ACHE: variants seen among roughly 807,000 people sequenced by gnomAD.
ACHE encodes the protein acetylcholinesterase (Yt blood group), also known as acetylcholinesterase.
ACHE carries 19 observed loss-of-function variants against 53.9 expected under a neutral mutation model. That is an observed-to-expected ratio of 0.35 (90% CI 0.25 to 0.52). The LOEUF (loss-of-function observed/expected upper bound fraction) is 0.52. ACHE is among the 20% of genes least tolerant of loss of function. The pLI is 0.95. For synonymous variants in ACHE, 392 were observed against 378.1 expected, an observed-to-expected ratio of 1.04 and a Z score of -0.43; for missense variants, 605 against 849.4, an observed-to-expected ratio of 0.71 and a Z score of 3.58.
At chr7:100,893,119 T>C (rs769212003) in intron 2 of ACHE, 46 bp downstream of exon 2, 1 of 1,581,784 alleles carries the variant, frequency 6.3e-7, no homozygotes, top group South Asian at 1.1e-5. Context: ...GGAGGGACCG[T>C]TGGGACCCAG....
At chr7:100,894,640 G>A (rs1563039856) in intron 1 of ACHE, among the ~76,000 whole-genome samples, 2 of 128,604 alleles carry the variant, frequency 1.6e-5, no homozygotes, top group African/African-American at 3.0e-5. Context: ...GACGGGCAGC[G>A]CCGCTGGGGG....
Position 100,894,003 on chromosome 7 carries a change from C to T in ACHE, c.230G>A (p.Arg77His). 1.2e-6 allele frequency: 2 copies of T among 1,611,630 alleles called. No homozygotes were observed. Among genetic ancestry groups the T allele is most frequent in the South Asian group, 1.1e-5 (1 of 90,816 alleles). ...PFAEPPMGPR[R>H]FLPPEPKQPW... Reference sequence around the variant, plus strand: ...CTGCTTGGGCTCCGGTGGCAGAAAGCGACGGGGTCCCATGGGTGGCTCCGC... The same window carrying T: ...CTGCTTGGGCTCCGGTGGCAGAAAGTGACGGGGTCCCATGGGTGGCTCCGC... The change falls in exon 2 of 5, where the codon CGC becomes CAC. Residue 77 changes from arginine (R) to histidine (H), a missense_variant. Around this residue, in one of 4 missense-constraint regions of ACHE, gnomAD observed 397 missense variants for 632.5 expected, o/e 0.63. Transcript: ENST00000241069.
intron 1 of ACHE, among the ~76,000 whole-genome samples, chr7:100,894,791 C>T (rs17880573): frequency 0.1 from 15,812 of 152,096 alleles, 1,108 homozygotes; most frequent in Non-Finnish European, 0.16. Flanking sequence ...CACTCCCCAC[C>T]CAACCCTGCC....
At chr7:100,894,886 C>G (rs1584778034) in intron 1 of ACHE, among the ~76,000 whole-genome samples, 1 of 151,882 alleles carries the variant, frequency 6.6e-6, no homozygotes, top group Non-Finnish European at 1.5e-5. Context: ...CCCCAGCAAA[C>G]AGGCTCGCCA....
At position 100,892,664 on chromosome 7, in the gene ACHE, G is replaced by C. The variant is rs1322009655; in HGVS notation, c.1223C>G (p.Ala408Gly). The part of the protein sequence containing the change: ...VPQVSDLAAE[A>G]VVLHYTDWLH... The stretch of plus-strand genomic sequence containing the variant: ...CCAGTCTGTGTAATGCAGGACCACA[G>C]CCTCGGCTGCCAGGTCACTTACCTG... Residue 408 changes from alanine (A) to glycine (G), a missense_variant, in exon 3 of 5, where the codon GCT (alanine) becomes GGT (glycine). Coordinates refer to ENST00000241069, the MANE Select transcript of ACHE (RefSeq NM_000665.5). The surrounding 1 kb of genome is among the most constrained non-coding windows in gnomAD (Gnocchi z 5.2). 6 of 1,613,436 alleles carry C rather than the reference G, an allele frequency of 3.7e-6. No individual in the cohort carries two copies. In the Admixed American group the frequency reaches 1.0e-4, roughly 27 times the overall value.
At chr7:100,895,555 G>C (rs1006294259) in intron 1 of ACHE, among the ~76,000 whole-genome samples, 1 of 152,178 alleles carries the variant, frequency 6.6e-6, no homozygotes, top group Non-Finnish European at 1.5e-5. Flanking sequence ...GGTGCTCGGG[G>C]GTCCCCGCGG....
At chr7:100,891,124 T>C in intron 4 of ACHE, 45 bp downstream of exon 4, 1 of 1,565,164 alleles carries the variant, frequency 6.4e-7, no homozygotes, top group Non-Finnish European at 8.6e-7. Context: ...CCTGGCGGGC[T>C]CCCACTCCCC....
intron 1 of ACHE, among the ~76,000 whole-genome samples, chr7:100,895,482 G>A (rs1790989977): frequency 1.3e-5 from 2 of 152,134 alleles, no homozygotes; most frequent in Non-Finnish European, 2.9e-5. Flanking sequence ...TGCGCAGCTC[G>A]GGTACCGCCC....
intron 1 of ACHE, 77 bp from the exon 2 acceptor site, chr7:100,894,329 C>G (rs879587897): frequency 1.2e-4 from 130 of 1,075,652 alleles, no homozygotes; most frequent in Non-Finnish European, 1.6e-4. Flanking sequence ...CACTGTCGGC[C>G]CAAGGGTTAT....
At position 100,892,695 on chromosome 7, in the gene ACHE, C is replaced by T. The variant is rs1205541868; in HGVS notation, c.1192G>A (p.Val398Ile). ...GCTGCCAGGTCACTTACCTGGGGAA[C>T]CCCGACCCGCACCCCGGCCAGGAAC... ...AEFLAGVRVG[V>I]PQVSDLAAEA... Residue 398 changes from valine to isoleucine, a missense_variant, in exon 3 of 5, where the codon GTT (valine) becomes ATT (isoleucine). Physicochemically the swap from Val to Ile is conservative, Grantham distance 29. This residue lies in a region of ACHE where 397 missense variants were observed against 632.5 expected (regional missense o/e 0.63). Coordinates refer to ENST00000241069, the MANE Select transcript of ACHE (RefSeq NM_000665.5). The surrounding 1 kb of genome is among the most constrained non-coding windows in gnomAD (Gnocchi z 5.2). 2 of 1,613,600 alleles carry T rather than the reference C, an allele frequency of 1.2e-6. No homozygotes were observed. The highest frequency in any genetic ancestry group is 8.5e-7 in the Non-Finnish European group (1 of 1,179,984).
chr7:100,890,389 G>C (rs954397869), intron 4 of ACHE, 54 bp from the exon 5 acceptor site: 39 of 1,576,176 alleles, frequency 2.5e-5, no homozygotes, highest in Non-Finnish European at 3.4e-5. Flanking sequence ...GAGGAAGGTC[G>C]GGGATCGGAC....
chr7:100,895,035 G>T (rs111372779), intron 1 of ACHE, among the ~76,000 whole-genome samples: 3 of 152,168 alleles, frequency 2.0e-5, no homozygotes, highest in Admixed American at 6.5e-5. Context: ...TGGGGAGGGG[G>T]CCTGGGGGCT....
At chr7:100,894,961 G>A (rs1019354599) in intron 1 of ACHE, among the ~76,000 whole-genome samples, 6 of 152,114 alleles carry the variant, frequency 3.9e-5, no homozygotes, top group Non-Finnish European at 7.4e-5. Flanking sequence ...GCCGCCGCCG[G>A]CGGAGGGCAG....
In ACHE at chr7:100,894,031, AG is replaced by A; in HGVS notation, c.201del (p.Phe68LeufsTer24). 6.2e-7 allele frequency: 1 copy of A among 1,605,328 alleles called. No homozygotes were observed. Among genetic ancestry groups the A allele is most frequent in the Non-Finnish European group, 8.5e-7 (1 of 1,175,934 alleles). ...CGGGGTCCCATGGGTGGCTCCGCAA[AG>A]GGGATGCCCAGGAAAGCAGAGACAG... ...GGPVSAFLGI[P>X]FAEPPMGPRR... is the part of the protein sequence containing the mutation. On this transcript the variant is annotated frameshift_variant, in exon 2 of 5. Transcript: ENST00000241069. LOFTEE classifies it high-confidence loss of function.
intron 4 of ACHE, 35 bp downstream of exon 4, chr7:100,891,134 C>A: frequency 6.4e-7 from 1 of 1,572,762 alleles, no homozygotes; most frequent in Non-Finnish European, 8.6e-7. Context: ...TCCCACTCCC[C>A]TCCTCCCAGC....
intron 1 of ACHE, among the ~76,000 whole-genome samples, chr7:100,894,541 C>A (rs1365303932): frequency 2.6e-5 from 4 of 152,174 alleles, no homozygotes; most frequent in African/African-American, 9.6e-5. Flanking sequence ...CTCACCTCTT[C>A]CCGGAACTGG....
intron 4 of ACHE, chr7:100,890,673 C>G (rs1790622671): frequency 7.5e-7 from 1 of 1,333,542 alleles, no homozygotes; most frequent in South Asian, 2.1e-5. Flanking sequence ...GGGGGTGCTA[C>G]CCCGTCCGGG....
Position 100,891,314 on chromosome 7 carries a change from G to A in ACHE, c.1578C>T (p.Pro526=), listed in dbSNP as rs1194514489. 1 of 1,575,146 alleles carries A rather than the reference G, an allele frequency of 6.3e-7. No homozygotes were observed. The highest frequency in any genetic ancestry group is 8.6e-7 in the Non-Finnish European group (1 of 1,162,584). The change falls in exon 4 of 5, where the codon CCC becomes CCT. Residue 526 remains proline, a synonymous_variant. Transcript: ENST00000241069. ...RTGDPNEPRD[P]KAPQWPPYTA... ...TGTACGGGGGCCATTGTGGGGCCTT[G>A]GGGTCTCGGGGCTCATTGGGATCCC...
At chr7:100,891,393 C>A in intron 3 of ACHE, 55 bp from the exon 4 acceptor site, 1 of 1,475,800 alleles carries the variant, frequency 6.8e-7, no homozygotes. Flanking sequence ...AGGTGGCCCC[C>A]AACTCCACGG....
Sources: gnomAD v4.1 joint callset for allele counts (sites outside exome capture counted in the v4.1 genomes callset) on GRCh38, gnomAD v4.1.1 for gene constraint, gnomAD v4.1.1 regional missense constraint, Gnocchi (gnomAD v3.1) non-coding constraint, MANE v1.5 for transcripts, NCBI Gene and HGNC (gene_info 2026-07-23, HGNC 2026-07-21) for gene names.